BMP10: variants seen among roughly 807,000 people sequenced by gnomAD.
The protein encoded by BMP10 is bone morphogenetic protein 10.
Under a neutral mutation model 29.9 loss-of-function variants are expected in BMP10, and 9 were observed. The ratio of observed to expected loss-of-function variants is 0.30; its 90% CI spans 0.18 to 0.53. BMP10 has a LOEUF of 0.53. BMP10 is among the 20% of genes least tolerant of loss of function. The probability of loss-of-function intolerance (pLI) is 0.96; values close to 1 mark genes in which losing one functional copy is unlikely to be tolerated. For missense variants in BMP10, 474 were observed against 524.3 expected (o/e 0.90, Z 0.94); for synonymous variants, 202 against 200.2 (o/e 1.01, Z -0.07).
In BMP10 at chr2:68,865,973, A is replaced by T. The variant is rs1558684905; in HGVS notation, c.933T>A (p.Thr311=). 7 of 1,614,026 alleles carry T rather than the reference A, an allele frequency of 4.3e-6. No homozygotes were observed. The highest frequency in any genetic ancestry group is 5.9e-6 in the Non-Finnish European group (7 of 1,179,988). Residue 311 remains threonine (T), a synonymous_variant, in exon 2 of 2, where the codon ACT becomes ACA. Transcript: ENST00000295379. This position sits in a 1 kb window ranked among gnomAD's most constrained non-coding sequence, Gnocchi z 4.7. ...CTTTGGCGTTCCTTCTGATTCGGGC[A>T]GTGGAGTCATAGATGATGTTTGATC... ...QMRSNIIYDS[T]ARIRRNAKGN...
chr2:68,861,437 ACTTCT>A lies in BMP10; in HGVS notation c.*4189_*4193del, dbSNP rs1682852052. ...TTCACATGCAGAAACACCCCTGTGT[ACTTCT>A]CTTCCATAGTCACATCTACCTTCCA... On this transcript the variant is annotated 3_prime_UTR_variant, in exon 2 of 2. Coordinates refer to ENST00000295379, the MANE Select transcript of BMP10 (RefSeq NM_014482.3). Among the ~76,000 whole-genome samples, 1 of 152,250 alleles carries A rather than the reference ACTTCT, an allele frequency of 6.6e-6. No homozygotes were observed.
In BMP10 at chr2:68,860,960, G is replaced by A. The variant is rs114718244; in HGVS notation, c.*4671C>T. Among the ~76,000 whole-genome samples, 1,238 of 152,208 alleles carry A rather than the reference G, an allele frequency of 8.1e-3. 9 individuals carry two copies. Among genetic ancestry groups the A allele is most frequent in the Middle Eastern group, 0.037 (11 of 294 alleles). ...ATATAGCAATTAGTTTTATTCCATC[G>A]GGATATGTTATCAAGTAGAAACATG... On this transcript the variant is annotated 3_prime_UTR_variant, in exon 2 of 2. Coordinates refer to ENST00000295379, the MANE Select transcript of BMP10 (RefSeq NM_014482.3).
intron 1 of BMP10, 81 bp downstream of exon 1, chr2:68,870,944 C>T: frequency 8.1e-7 from 1 of 1,231,368 alleles, no homozygotes; most frequent in Non-Finnish European, 1.2e-6. Flanking sequence ...TTACCCTTAC[C>T]TATATCATTC....
Position 68,866,072 on chromosome 2 carries a change from T to G in BMP10, c.834A>C (p.Gln278His). Residue 278 changes from glutamine (Q) to histidine (H), a missense_variant, in exon 2 of 2, where the codon CAA (glutamine) becomes CAC (histidine). By Grantham distance (24) the Gln-to-His change is conservative (BLOSUM62 0). Transcript: ENST00000295379. ...EELNEMISHEQLPELDNLGLD... is the reference protein window; with the variant it reads ...EELNEMISHEHLPELDNLGLD... The stretch of plus-strand genomic sequence containing the variant: ...GGCCCAAGTTGTCCAGCTCTGGAAG[T>G]TGCTCATGGGAAATCATTTCATTCA... 1 of 1,614,122 alleles carries G rather than the reference T, an allele frequency of 6.2e-7. No individual in the cohort carries two copies. Among genetic ancestry groups the G allele is most frequent in the Non-Finnish European group, 8.5e-7 (1 of 1,179,976 alleles).
intron 1 of BMP10, among the ~76,000 whole-genome samples, chr2:68,868,029 A>G (rs1341263621): frequency 6.6e-6 from 1 of 152,162 alleles, no homozygotes; most frequent in African/African-American, 2.4e-5. Flanking sequence ...TGACCTACAG[A>G]ATAAATTTAA....
intron 1 of BMP10, among the ~76,000 whole-genome samples, chr2:68,868,787 A>G (rs1683016727): frequency 1.3e-5 from 2 of 152,188 alleles, no homozygotes; most frequent in Non-Finnish European, 2.9e-5. Flanking sequence ...AGGCATTACA[A>G]AGTATACAAG....
At chr2:68,868,680 G>T (rs1413116122) in intron 1 of BMP10, among the ~76,000 whole-genome samples, 1 of 152,222 alleles carries the variant, frequency 6.6e-6, no homozygotes, top group African/African-American at 2.4e-5. Flanking sequence ...AAGAAGGGAA[G>T]AGACTTGACT....
At position 68,865,680 on chromosome 2, in the gene BMP10, T is replaced by C. The variant is rs1682936668; in HGVS notation, c.1226A>G (p.Tyr409Cys). The C allele has an allele frequency of 6.2e-7, 1 of 1,614,132 alleles. No individual in the cohort carries two copies. The highest frequency in any genetic ancestry group is 8.5e-7 in the Non-Finnish European group (1 of 1,179,966). ...ILYLDKGVVT[Y>C]KFKYEGMAVS... is the part of the protein sequence containing the mutation. The stretch of plus-strand genomic sequence containing the variant: ...GGCCATGCCTTCGTATTTAAACTTG[T>C]AGGTGACGACGCCTTTGTCTAAATA... Residue 409 changes from tyrosine (Y) to cysteine (C), a missense_variant, in exon 2 of 2, where the codon TAC becomes TGC. Around this residue, in one of 2 missense-constraint regions of BMP10, gnomAD observed 66 missense variants for 109.0 expected, o/e 0.61. Transcript: ENST00000295379. This position sits in a 1 kb window ranked among gnomAD's most constrained non-coding sequence, Gnocchi z 4.7.
Position 68,869,114 on chromosome 2 carries a change from C to G in BMP10, c.334+1911G>C, listed in dbSNP as rs145147342. Among the ~76,000 whole-genome samples the G allele has an allele frequency of 6.5e-4, 99 of 152,316 alleles. No individual in the cohort carries two copies. In the East Asian group the frequency reaches 0.019, roughly 29 times the overall value. ...ATGCCAGGTGCTTTGCAAGCATGAT[C>G]TTCTCTGGTTCTCACAATGACCCCA... On this transcript the variant is annotated intron_variant, in intron 1 of 1. Coordinates refer to ENST00000295379, the MANE Select transcript of BMP10 (RefSeq NM_014482.3).
intron 1 of BMP10, among the ~76,000 whole-genome samples, chr2:68,870,821 G>A (rs6760348): frequency 0.03 from 4,502 of 152,248 alleles, 232 homozygotes; most frequent in African/African-American, 0.1. Context: ...TGGATTAAAA[G>A]ATGTTTGTAA....
Position 68,862,608 on chromosome 2 carries a change from A to T in BMP10, c.*3023T>A, listed in dbSNP as rs1366846507. ...GATAATTCTGCAATAAAAGGGGGAA[A>T]AAAACTGGCATGGGACCCAGAAGAA... On this transcript the variant is annotated 3_prime_UTR_variant, in exon 2 of 2. Coordinates refer to ENST00000295379, the MANE Select transcript of BMP10 (RefSeq NM_014482.3). Among the ~76,000 whole-genome samples, 2 of 152,206 alleles carry T rather than the reference A, an allele frequency of 1.3e-5. No homozygotes were observed. The highest frequency in any genetic ancestry group is 6.5e-5 in the Admixed American group (1 of 15,284).
Position 68,866,094 on chromosome 2 carries a change from T to C in BMP10, c.812A>G (p.Asn271Ser), listed in dbSNP as rs2103805694. 1.2e-6 allele frequency: 2 copies of C among 1,614,132 alleles called. No individual in the cohort carries two copies. Among genetic ancestry groups the C allele is most frequent in the East Asian group, 4.5e-5 (2 of 44,884 alleles). ...SSDKERKEEL[N>S]EMISHEQLPE... The stretch of plus-strand genomic sequence containing the variant: ...AAGTTGCTCATGGGAAATCATTTCA[T>C]TCAGTTCCTCCTTCCTCTCCTTGTC... Residue 271 changes from asparagine (N) to serine (S), a missense_variant, in exon 2 of 2, where the codon AAT becomes AGT. By Grantham distance (46) the Asn-to-Ser change is conservative. Around this residue, in one of 2 missense-constraint regions of BMP10, gnomAD observed 408 missense variants for 415.3 expected, o/e 0.98. Transcript: ENST00000295379.
intron 1 of BMP10, among the ~76,000 whole-genome samples, chr2:68,868,576 T>G (rs1483015665): frequency 2.6e-5 from 4 of 152,238 alleles, no homozygotes; most frequent in Non-Finnish European, 4.4e-5. Context: ...TTGATGATTC[T>G]AGGCACCAGA....
intron 1 of BMP10, among the ~76,000 whole-genome samples, chr2:68,867,705 C>A (rs1021393518): frequency 2.6e-5 from 4 of 152,072 alleles, no homozygotes; most frequent in African/African-American, 7.2e-5. Flanking sequence ...TGCTAAGGAC[C>A]ACCAACTGGG....
rs771100602 is a variant in BMP10, at chr2:68,866,431, C to T, written c.475G>A (p.Asp159Asn). Residue 159 changes from aspartate (D) to asparagine (N), a missense_variant, in exon 2 of 2, where the codon GAT (aspartate) becomes AAT (asparagine). Transcript: ENST00000295379. ...ATGGTAATTTTCCGGTCTACTCCATCGTATATCATACGATCCCTTTGCACC... is the reference window on the plus strand; with the variant it reads ...ATGGTAATTTTCCGGTCTACTCCATTGTATATCATACGATCCCTTTGCACC... Reference protein sequence around the residue: ...TLVQRDRMIYDGVDRKITIFE... With the variant: ...TLVQRDRMIYNGVDRKITIFE... The T allele has an allele frequency of 1.1e-5, 17 of 1,613,812 alleles. No homozygotes were observed. The highest frequency in any genetic ancestry group is 8.9e-5 in the East Asian group (4 of 44,876).
intron 1 of BMP10, among the ~76,000 whole-genome samples, chr2:68,869,021 G>A (rs1558686132): frequency 2.0e-5 from 3 of 152,204 alleles, no homozygotes; most frequent in Non-Finnish European, 4.4e-5. Flanking sequence ...ATGTGCAAAT[G>A]CAGTAAGCAA....
In BMP10 at chr2:68,871,345, A is replaced by T. The variant is rs766728081; in HGVS notation, c.14T>A (p.Val5Asp). The change falls in exon 1 of 2, where the codon GTC (valine) becomes GAC (aspartate). Residue 5 changes from valine to aspartate, a missense_variant. Val to Asp is a radical substitution (Grantham distance 152). This residue lies in a region of BMP10 where 408 missense variants were observed against 415.3 expected (regional missense o/e 0.98). Transcript: ENST00000295379. MGSL[V>D]LTLCALFCLA... ...GCAGAAAAGAGCGCACAGTGTCAGG[A>T]CCAGAGAGCCCATGACTCCGCTCGA... 5 of 1,613,596 alleles carry T rather than the reference A, an allele frequency of 3.1e-6. No individual in the cohort carries two copies. The highest frequency in any genetic ancestry group is 4.2e-6 in the Non-Finnish European group (5 of 1,179,820).
Position 68,866,403 on chromosome 2 carries a change from A to G in BMP10, c.503T>C (p.Phe168Ser), listed in dbSNP as rs374172257. Residue 168 changes from phenylalanine (F) to serine (S), a missense_variant, in exon 2 of 2, where the codon TTT becomes TCT. Phe to Ser is a radical substitution (Grantham distance 155). This residue lies in a region of BMP10 where 408 missense variants were observed against 415.3 expected (regional missense o/e 0.98). Coordinates refer to ENST00000295379, the MANE Select transcript of BMP10 (RefSeq NM_014482.3). ...ATCCCCTTTGCTCTCCAGCACTTCA[A>G]AAATGGTAATTTTCCGGTCTACTCC... is the stretch of plus-strand genomic sequence containing the variant. ...YDGVDRKITIFEVLESKGDNE... is the reference protein window; with the variant it reads ...YDGVDRKITISEVLESKGDNE... 48 of 1,613,718 alleles carry G rather than the reference A, an allele frequency of 3.0e-5. No homozygotes were observed. The highest frequency in any genetic ancestry group is 4.0e-5 in the Non-Finnish European group (47 of 1,179,914).
chr2:68,871,393 GT>G lies in BMP10; in HGVS notation c.-36del. 6.3e-7 allele frequency: 1 copy of G among 1,589,364 alleles called. No individual in the cohort carries two copies. The highest frequency in any genetic ancestry group is 8.6e-7 in the Non-Finnish European group (1 of 1,163,692). On this transcript the variant is annotated 5_prime_UTR_variant, in exon 1 of 2. Transcript: ENST00000295379. ...CGAGCTCCTAGGCCAAGCCAGGAAGGTTTAGCTTCCCTGGGCTCTAAGTGGC... is the reference window on the plus strand; with the variant it reads ...CGAGCTCCTAGGCCAAGCCAGGAAGGTTAGCTTCCCTGGGCTCTAAGTGGC...
Sources: gnomAD v4.1 joint callset for allele counts (sites outside exome capture counted in the v4.1 genomes callset) on GRCh38, gnomAD v4.1.1 for gene constraint, gnomAD v4.1.1 regional missense constraint, Gnocchi (gnomAD v3.1) non-coding constraint, MANE v1.5 for transcripts, NCBI Gene and HGNC (gene_info 2026-07-23, HGNC 2026-07-21) for gene names.